The following ARHGAP15 variants were observed in gnomAD, a reference collection of about 807,000 sequenced individuals.
The protein encoded by ARHGAP15 is Rho GTPase activating protein 15, also known as rho GTPase-activating protein 15.
A neutral mutation model predicts 63.7 loss-of-function variants in ARHGAP15; 51 were observed. The observed-to-expected ratio is 0.80, with a 90% CI of 0.64 to 1.01. ARHGAP15 has a LOEUF of 1.01. Ranked by LOEUF, ARHGAP15 falls within the 50% of genes least tolerant of loss-of-function variation. The probability of loss-of-function intolerance (pLI) is 0.00; values close to 1 mark genes in which losing one functional copy is unlikely to be tolerated. For missense variants in ARHGAP15, 560 were observed against 564.6 expected, an observed-to-expected ratio of 0.99 and a Z score of 0.08; for synonymous variants, 191 against 193.8, an observed-to-expected ratio of 0.99 and a Z score of 0.12.
At chr2:143,707,228 G>T (rs1483113108) in intron 13 of ARHGAP15, among the ~76,000 whole-genome samples, 2 of 152,136 alleles carry the variant, frequency 1.3e-5, no homozygotes, top group Admixed American at 1.3e-4. Context: ...AGTGATGGAC[G>T]TCAAAAGGAA....
rs5834938 is a variant in ARHGAP15, at chr2:143,156,034, G to GA, written c.165+390dup. On this transcript the variant is annotated intron_variant, in intron 2 of 13. Coordinates refer to ENST00000295095, the MANE Select transcript of ARHGAP15 (RefSeq NM_018460.4). ...CTAAAATTAGCTAAGAATGAATTGA[G>GA]AAAAAAAAAAATCTCAAAAAAAAAA... Among the ~76,000 whole-genome samples the GA allele has an allele frequency of 2.7e-3, 399 of 146,052 alleles. 1 individual carries two copies. Among genetic ancestry groups the GA allele is most frequent in the Non-Finnish European group, 4.6e-3 (302 of 65,326 alleles).
intron 11 of ARHGAP15, among the ~76,000 whole-genome samples, chr2:143,572,521 T>C (rs987127632): frequency 1.3e-5 from 2 of 152,190 alleles, no homozygotes; most frequent in Non-Finnish European, 2.9e-5. Flanking sequence ...CAGTAGGTCA[T>C]GCTTCCTGCT....
intron 10 of ARHGAP15, among the ~76,000 whole-genome samples, chr2:143,541,164 C>T (rs1056633322): frequency 1.6e-4 from 24 of 152,182 alleles, no homozygotes; most frequent in African/African-American, 4.8e-4. Context: ...GCCAGTTGAT[C>T]GCATCGGTTA....
chr2:143,610,729 A>T (rs1477411886), intron 11 of ARHGAP15, among the ~76,000 whole-genome samples: 1 of 151,806 alleles, frequency 6.6e-6, no homozygotes, highest in African/African-American at 2.4e-5. Flanking sequence ...GTATTTATTT[A>T]TTTATTTATT....
chr2:143,672,436 G>A (rs751588113), intron 12 of ARHGAP15, among the ~76,000 whole-genome samples: 11 of 152,046 alleles, frequency 7.2e-5, no homozygotes, highest in East Asian at 3.9e-4. Context: ...GCCCATAAAC[G>A]CATAATAGAA....
At chr2:143,740,612 G>A (rs1205117233) in intron 13 of ARHGAP15, among the ~76,000 whole-genome samples, 1 of 152,146 alleles carries the variant, frequency 6.6e-6, no homozygotes, top group African/African-American at 2.4e-5. Flanking sequence ...CAGCGGTGGT[G>A]CTAACAAGCG....
At chr2:143,242,379 G>C (rs35373393) in intron 5 of ARHGAP15, among the ~76,000 whole-genome samples, 25,461 of 152,218 alleles carry the variant, frequency 0.17, 2,304 homozygotes, top group Middle Eastern at 0.24. Context: ...GACATCAAAA[G>C]TGTACCCAAG....
At chr2:143,546,980 A>C (rs1191943427) in intron 10 of ARHGAP15, among the ~76,000 whole-genome samples, 1 of 152,144 alleles carries the variant, frequency 6.6e-6, no homozygotes, top group African/African-American at 2.4e-5. Context: ...CTTGTTTCCC[A>C]ATCTCCAGAA....
chr2:143,603,331 T>C (rs1356310286), intron 11 of ARHGAP15, among the ~76,000 whole-genome samples: 1 of 152,318 alleles, frequency 6.6e-6, no homozygotes, highest in African/African-American at 2.4e-5. Context: ...AATCAGTCTA[T>C]GCCACTAAAT....
chr2:143,466,550 C>G (rs1691222708), intron 8 of ARHGAP15, among the ~76,000 whole-genome samples: 1 of 151,934 alleles, frequency 6.6e-6, no homozygotes, highest in South Asian at 2.1e-4. Context: ...TCTTCAAGTT[C>G]CTGACTCCTA....
At chr2:143,469,880 G>T (rs1286991115) in intron 8 of ARHGAP15, among the ~76,000 whole-genome samples, 1 of 152,028 alleles carries the variant, frequency 6.6e-6, no homozygotes, top group Non-Finnish European at 1.5e-5. Context: ...GAAAGTGCTG[G>T]TCTAGGGGTC....
At chr2:143,208,828 T>C (rs1244758575) in intron 3 of ARHGAP15, among the ~76,000 whole-genome samples, 2 of 152,144 alleles carry the variant, frequency 1.3e-5, no homozygotes, top group Non-Finnish European at 2.9e-5. Context: ...CTTTATCTTG[T>C]TTATTTTTAT....
chr2:143,591,178 A>G (rs1697306940), intron 11 of ARHGAP15, among the ~76,000 whole-genome samples: 1 of 152,204 alleles, frequency 6.6e-6, no homozygotes, highest in Non-Finnish European at 1.5e-5. Flanking sequence ...TTAACTCACT[A>G]TTCACAGTTA....
chr2:143,702,845 T>C (rs542425486), intron 12 of ARHGAP15, among the ~76,000 whole-genome samples: 92 of 152,222 alleles, frequency 6.0e-4, no homozygotes, highest in Admixed American at 1.8e-3. Context: ...CTCCTGTTTC[T>C]CCCTAATAAG....
intron 2 of ARHGAP15, among the ~76,000 whole-genome samples, chr2:143,172,540 G>A (rs1690830896): frequency 1.3e-5 from 2 of 152,102 alleles, no homozygotes; most frequent in Admixed American, 1.3e-4. Context: ...GATTGGTTGA[G>A]TGGGTATAGA....
intron 13 of ARHGAP15, among the ~76,000 whole-genome samples, chr2:143,736,152 G>A (rs536345691): frequency 3.9e-5 from 6 of 152,238 alleles, no homozygotes; most frequent in Non-Finnish European, 5.9e-5. Context: ...GCCGAGGTGG[G>A]TATCACCGGA....
At chr2:143,262,758 T>C (rs1680792341) in intron 6 of ARHGAP15, among the ~76,000 whole-genome samples, 1 of 152,074 alleles carries the variant, frequency 6.6e-6, no homozygotes, top group Non-Finnish European at 1.5e-5. Context: ...GTTGCCCTCT[T>C]GTACACATCA....
chr2:143,556,621 A>T, intron 11 of ARHGAP15, 136 bp downstream of exon 11: 1 of 613,562 alleles, frequency 1.6e-6, no homozygotes, highest in East Asian at 2.9e-5. Context: ...TTTAAAAATT[A>T]TCAGAAAAGT....
intron 6 of ARHGAP15, among the ~76,000 whole-genome samples, chr2:143,279,177 T>C (rs1374331166): frequency 1.3e-5 from 2 of 152,298 alleles, no homozygotes; most frequent in South Asian, 2.1e-4. Context: ...TAGGGAAGAA[T>C]GAAGCGGTAT....
Sources: gnomAD v4.1 joint callset for allele counts (sites outside exome capture counted in the v4.1 genomes callset) on GRCh38, gnomAD v4.1.1 for gene constraint, MANE v1.5 for transcripts, NCBI Gene and HGNC (gene_info 2026-07-23, HGNC 2026-07-21) for gene names.